The following DOT1L variants were observed in gnomAD, a reference collection of about 807,000 sequenced individuals.
DOT1L encodes the protein histone-lysine N-methyltransferase, H3 lysine-79 specific.
DOT1L carries 33 observed loss-of-function variants against 153.3 expected under a neutral mutation model. That is an observed-to-expected ratio of 0.22 (90% confidence interval 0.16 to 0.29). DOT1L has a LOEUF of 0.29. DOT1L is among the 10% of genes least tolerant of loss of function. The pLI, the probability that DOT1L is intolerant of heterozygous loss-of-function variation, is 1.00. For missense variants in DOT1L, 1,847 were observed against 2,119.9 expected (o/e 0.87, Z 2.53); for synonymous variants, 1,135 against 965.1 (o/e 1.18, Z -3.26).
At chr19:2,195,318 C>T (rs1344185056) in intron 7 of DOT1L, among the ~76,000 whole-genome samples, 1 of 152,162 alleles carries the variant, frequency 6.6e-6, no homozygotes, top group African/African-American at 2.4e-5. Flanking sequence ...GTCCTTTCCA[C>T]ACAGAGGCCT....
chr19:2,168,142 C>A (rs757451067), intron 1 of DOT1L, among the ~76,000 whole-genome samples: 2 of 152,110 alleles, frequency 1.3e-5, no homozygotes, highest in Non-Finnish European at 2.9e-5. Context: ...CCCCCGCCAC[C>A]GCCCCAGCAT....
At chr19:2,206,699 G>C in intron 9 of DOT1L, 30 bp from the exon 10 acceptor site, 1 of 1,612,296 alleles carries the variant, frequency 6.2e-7, no homozygotes, top group Non-Finnish European at 8.5e-7. Context: ...CCTCTCTCCT[G>C]TGTGGCAGTA....
intron 27 of DOT1L, chr19:2,229,259 G>A: frequency 2.0e-6 from 2 of 985,476 alleles, no homozygotes; most frequent in Non-Finnish European, 2.4e-6. Context: ...GGCCACCCGT[G>A]CCCTCCAGGG....
chr19:2,171,969 T>A (rs111652309), intron 1 of DOT1L, among the ~76,000 whole-genome samples: 19 of 152,282 alleles, frequency 1.2e-4, no homozygotes, highest in African/African-American at 4.6e-4. Context: ...CTTCCTGGTA[T>A]CTCAGACTCC....
At chr19:2,167,508 C>G (rs1008873601) in intron 1 of DOT1L, among the ~76,000 whole-genome samples, 1 of 152,232 alleles carries the variant, frequency 6.6e-6, no homozygotes, top group Non-Finnish European at 1.5e-5. Flanking sequence ...GTGTCTTTCC[C>G]TCCCTGGCCA....
rs928559315 is a variant in DOT1L, at chr19:2,231,695, C to T, written c.*1903C>T. 2.5e-4 allele frequency: 53 copies of T among 214,010 alleles called. 2 individuals are homozygous for T. Among genetic ancestry groups the T allele is most frequent in the Admixed American group, 1.2e-3 (20 of 17,098 alleles). The allele number at this position is 214,010 out of a possible 1,614,324, so 13.3% of individuals were successfully genotyped here. A position where few individuals can be genotyped will look rare whatever the true frequency, so the allele number is the denominator to read the frequency against. ...ACAGGCAGCCTGCTCTGTGTCGCCA[C>T]GGGCCGGATACGCCACAGGGTTGAT... On this transcript the variant is annotated 3_prime_UTR_variant, in exon 28 of 28. Coordinates refer to ENST00000398665, the MANE Select transcript of DOT1L (RefSeq NM_032482.3).
At chr19:2,169,121 A>G (rs1013354507) in intron 1 of DOT1L, among the ~76,000 whole-genome samples, 6 of 152,004 alleles carry the variant, frequency 3.9e-5, no homozygotes, top group African/African-American at 9.7e-5. Flanking sequence ...GAGTGAGTAC[A>G]TGTTCCGCCT....
rs536443466 is a variant in DOT1L, at chr19:2,169,625, C to T, written c.81+5360C>T. 1.1e-4 allele frequency among the ~76,000 whole-genome samples: 16 copies of T among 152,240 alleles called. No individual in the cohort carries two copies. In the East Asian group the frequency reaches 3.1e-3, roughly 29 times the overall value. On this transcript the variant is annotated intron_variant, in intron 1 of 27. Coordinates refer to ENST00000398665, the MANE Select transcript of DOT1L (RefSeq NM_032482.3). ...TCTCCTGCCTCAGCCTCCCGAGTAGCTGGGATTACAGGTGTGAGCCACCAC... is the reference window on the plus strand; with the variant it reads ...TCTCCTGCCTCAGCCTCCCGAGTAGTTGGGATTACAGGTGTGAGCCACCAC...
At chr19:2,175,055 G>C (rs143581719) in intron 1 of DOT1L, among the ~76,000 whole-genome samples, 636 of 151,032 alleles carry the variant, frequency 4.2e-3, no homozygotes, top group African/African-American at 0.015. Context: ...CTGGAGTGCA[G>C]TGGCGCCATC....
Position 2,208,145 on chromosome 19 carries a change from A to G in DOT1L, c.963+465A>G, listed in dbSNP as rs1284006094. Among the ~76,000 whole-genome samples, 1 of 152,000 alleles carries G rather than the reference A, an allele frequency of 6.6e-6. No homozygotes were observed. The highest frequency in any genetic ancestry group is 6.5e-5 in the Admixed American group (1 of 15,274). On this transcript the variant is annotated intron_variant, in intron 11 of 27. Transcript: ENST00000398665. This position sits in a 1 kb window ranked among gnomAD's most constrained non-coding sequence, Gnocchi z 4.4. Reference sequence around the variant, plus strand: ...TGTGTTCCCCAGGGTCCTCTGACACAGCCCTGGGCCAGTGTGCGGCCTGCC... The same window carrying G: ...TGTGTTCCCCAGGGTCCTCTGACACGGCCCTGGGCCAGTGTGCGGCCTGCC...
chr19:2,223,515 G>T, intron 25 of DOT1L, 29 bp downstream of exon 25: 1 of 1,534,092 alleles, frequency 6.5e-7, no homozygotes, highest in Non-Finnish European at 8.8e-7. Context: ...AGGGGGGCGG[G>T]GCCTGGCAGC....
At chr19:2,179,519 AT>A (rs1161706074) in intron 1 of DOT1L, among the ~76,000 whole-genome samples, 1 of 152,302 alleles carries the variant, frequency 6.6e-6, no homozygotes, top group East Asian at 1.9e-4. Flanking sequence ...TAAAAAAGAC[AT>A]GGGCTGGCTG....
chr19:2,192,756 G>A (rs1191589646), intron 5 of DOT1L, among the ~76,000 whole-genome samples: 2 of 152,146 alleles, frequency 1.3e-5, no homozygotes, highest in African/African-American at 4.8e-5. Context: ...GAAGGCTGAG[G>A]TGGGAGGATC....
At chr19:2,177,551 T>C (rs2022008007) in intron 1 of DOT1L, among the ~76,000 whole-genome samples, 1 of 152,154 alleles carries the variant, frequency 6.6e-6, no homozygotes, top group Non-Finnish European at 1.5e-5. Context: ...ATATTTGTGT[T>C]ATTAGTATTC....
intron 19 of DOT1L, 160 bp downstream of exon 19, chr19:2,214,756 G>T: frequency 8.9e-7 from 1 of 1,124,540 alleles, no homozygotes; most frequent in Non-Finnish European, 1.2e-6. Flanking sequence ...GTCTTGGGCC[G>T]CAGGCTGCCC....
intron 6 of DOT1L, 151 bp from the exon 7 acceptor site, chr19:2,194,364 G>A (rs993353448): frequency 5.5e-5 from 41 of 752,112 alleles, no homozygotes; most frequent in Non-Finnish European, 1.5e-5. Context: ...GTAGAGACGG[G>A]GTTTCACCGT....
rs541907831 is a variant in DOT1L, at chr19:2,170,622, T to G, written c.81+6357T>G. Among the ~76,000 whole-genome samples the G allele has an allele frequency of 2.6e-5, 4 of 152,232 alleles. No homozygotes were observed. In the East Asian group the frequency reaches 7.7e-4, roughly 29 times the overall value. ...CTCAGTCCCCAAGACTCCCCCACTT[T>G]CCATGCCAGTTAGAGGCCTCACGTT... On this transcript the variant is annotated intron_variant, in intron 1 of 27. Coordinates refer to ENST00000398665, the MANE Select transcript of DOT1L (RefSeq NM_032482.3).
Position 2,217,620 on chromosome 19 carries a change from G to A in DOT1L, c.2545-152G>A. On this transcript the variant is annotated intron_variant, in intron 21 of 27. Transcript: ENST00000398665. This position sits in a 1 kb window ranked among gnomAD's most constrained non-coding sequence, Gnocchi z 7.3. ...GGAGTGTCCCAAAGCCGGTGTCCAG[G>A]AGGGCCTGACTGCGTGGGGAAGGTT... 3 of 1,119,286 alleles carry A rather than the reference G, an allele frequency of 2.7e-6. No individual in the cohort carries two copies. The highest frequency in any genetic ancestry group is 3.8e-6 in the Non-Finnish European group (3 of 795,342). 69.3% of individuals were successfully genotyped at this position (1,119,286 alleles called of 1,614,324 possible).
At chr19:2,164,666 T>G (rs1361772835) in intron 1 of DOT1L, among the ~76,000 whole-genome samples, 1 of 148,902 alleles carries the variant, frequency 6.7e-6, no homozygotes, top group African/African-American at 2.4e-5. Flanking sequence ...CATCCTTTCC[T>G]GTCTCCTCTT....
Sources: gnomAD v4.1 joint callset for allele counts (sites outside exome capture counted in the v4.1 genomes callset) on GRCh38, gnomAD v4.1.1 for gene constraint, Gnocchi (gnomAD v3.1) non-coding constraint, MANE v1.5 for transcripts, NCBI Gene and HGNC (gene_info 2026-07-23, HGNC 2026-07-21) for gene names.